Variants in ACVR1 observed in about 807,000 individuals in gnomAD.
ACVR1 encodes the protein activin A receptor type 1.
In ACVR1, 38 loss-of-function variants were observed where a neutral mutation model predicts 57.1. The ratio of observed to expected loss-of-function variants is 0.67; its 90% CI spans 0.51 to 0.87. The LOEUF (loss-of-function observed/expected upper bound fraction) is 0.87. Ranked by LOEUF, ACVR1 falls within the 40% of genes least tolerant of loss-of-function variation. ACVR1 has a pLI of 0.00. For synonymous variants in ACVR1, 212 were observed against 228.1 expected (o/e 0.93, Z 0.63); for missense variants, 463 against 638.2 (o/e 0.73, Z 2.96).
intron 3 of ACVR1, among the ~76,000 whole-genome samples, chr2:157,783,443 C>A (rs1364349706): frequency 6.6e-6 from 1 of 152,172 alleles, no homozygotes; most frequent in Non-Finnish European, 1.5e-5. Flanking sequence ...CTGTGGTGTA[C>A]CTAGGCTTTA....
chr2:157,857,571 AAAT>A (rs1248189465), intron 1 of ACVR1, among the ~76,000 whole-genome samples: 2 of 152,138 alleles, frequency 1.3e-5, no homozygotes, highest in Admixed American at 1.3e-4. Flanking sequence ...CTGTAAAATA[AAAT>A]AATATCATTT....
rs549302640 is a variant in ACVR1 at position 157,749,932 on chromosome 2, G to A, written c.1264+10948C>T. On this transcript the variant is annotated intron_variant, in intron 9 of 10. Coordinates refer to ENST00000434821, the MANE Select transcript of ACVR1 (RefSeq NM_001111067.4). ...CCCGCCCAGTGCTGCCCCTGTCAGG[G>A]CCCATGTGCATCATCTGGGTGCCTA... Among the ~76,000 whole-genome samples, 53 of 152,338 alleles carry A rather than the reference G, an allele frequency of 3.5e-4. 1 individual carries two copies. The South Asian group carries it at 1.0e-2, about 29-fold the overall frequency.
At chr2:157,784,197 G>C (rs1292731288) in intron 3 of ACVR1, among the ~76,000 whole-genome samples, 4 of 152,174 alleles carry the variant, frequency 2.6e-5, no homozygotes, top group African/African-American at 9.7e-5. Flanking sequence ...GTGTGGGAGT[G>C]GGGGTGGGGT....
intron 1 of ACVR1, among the ~76,000 whole-genome samples, chr2:157,835,913 A>G (rs1010259309): frequency 2.0e-5 from 3 of 152,166 alleles, no homozygotes; most frequent in Admixed American, 2.0e-4. Context: ...AATTTAATAT[A>G]CTCTACTGTT....
At chr2:157,793,783 T>G (rs1209871531) in intron 3 of ACVR1, among the ~76,000 whole-genome samples, 1 of 152,156 alleles carries the variant, frequency 6.6e-6, no homozygotes, top group African/African-American at 2.4e-5. Context: ...AAAGAAAGGC[T>G]TATTCTATTC....
chr2:157,790,967 G>T (rs946951418), intron 3 of ACVR1, among the ~76,000 whole-genome samples: 1 of 152,154 alleles, frequency 6.6e-6, no homozygotes, highest in Non-Finnish European at 1.5e-5. Context: ...CATGGTGACC[G>T]CTCATGATCT....
At chr2:157,866,445 G>A (rs779411208) in intron 1 of ACVR1, among the ~76,000 whole-genome samples, 4 of 136,002 alleles carry the variant, frequency 2.9e-5, no homozygotes, top group East Asian at 2.4e-4. Flanking sequence ...CAAGGGAGGC[G>A]GGGGGGAAAG....
At chr2:157,843,830 G>C (rs1054585129) in intron 1 of ACVR1, among the ~76,000 whole-genome samples, 10 of 152,070 alleles carry the variant, frequency 6.6e-5, no homozygotes. Context: ...ATATGAGCCT[G>C]AACATACCAA....
At chr2:157,855,071 A>G (rs570247752) in intron 1 of ACVR1, among the ~76,000 whole-genome samples, 2 of 151,174 alleles carry the variant, frequency 1.3e-5, no homozygotes, top group South Asian at 4.2e-4. Flanking sequence ...CAAACCTTAC[A>G]CTCTCCCAAT....
At chr2:157,750,385 C>T (rs986703694) in intron 9 of ACVR1, among the ~76,000 whole-genome samples, 2 of 152,232 alleles carry the variant, frequency 1.3e-5, no homozygotes, top group Non-Finnish European at 2.9e-5. Flanking sequence ...GGCTTGCCGC[C>T]ACAACCACTT....
At chr2:157,782,221 G>A (rs1019988218) in intron 3 of ACVR1, among the ~76,000 whole-genome samples, 2 of 152,200 alleles carry the variant, frequency 1.3e-5, no homozygotes, top group Non-Finnish European at 1.5e-5. Flanking sequence ...TAATGTGGGT[G>A]CCTCGTCCCA....
At chr2:157,791,342 G>C (rs917812005) in intron 3 of ACVR1, among the ~76,000 whole-genome samples, 4 of 152,182 alleles carry the variant, frequency 2.6e-5, no homozygotes, top group African/African-American at 9.7e-5. Flanking sequence ...ATTTGAAAGA[G>C]TGCATGTGAT....
intron 8 of ACVR1, among the ~76,000 whole-genome samples, chr2:157,764,039 C>G (rs1183736427): frequency 6.6e-6 from 1 of 152,160 alleles, no homozygotes; most frequent in Non-Finnish European, 1.5e-5. Flanking sequence ...TCAATTTGTC[C>G]ACCCTCCCCA....
chr2:157,776,864 G>A (rs573807128), intron 5 of ACVR1, among the ~76,000 whole-genome samples: 3 of 152,374 alleles, frequency 2.0e-5, no homozygotes, highest in African/African-American at 4.8e-5. Context: ...ACTGCAAAAT[G>A]ATTTCAAATA....
intron 3 of ACVR1, among the ~76,000 whole-genome samples, chr2:157,786,908 C>T (rs13405394): frequency 1.3e-5 from 2 of 152,032 alleles, no homozygotes; most frequent in Non-Finnish European, 2.9e-5. Context: ...TTATCCCTAT[C>T]GGTGAAATAA....
intron 7 of ACVR1, among the ~76,000 whole-genome samples, chr2:157,767,587 T>C (rs1246106237): frequency 1.3e-5 from 2 of 152,218 alleles, no homozygotes; most frequent in Admixed American, 6.5e-5. Flanking sequence ...AAATGACTTA[T>C]GAAAATGTAA....
intron 7 of ACVR1, 43 bp downstream of exon 7, chr2:157,770,325 T>C: frequency 6.2e-7 from 1 of 1,610,316 alleles, no homozygotes; most frequent in Non-Finnish European, 8.5e-7. Context: ...GACAATTGTT[T>C]CTCCCTAGAT....
intron 1 of ACVR1, among the ~76,000 whole-genome samples, chr2:157,844,810 C>T (rs1041151350): frequency 1.1e-4 from 17 of 151,960 alleles, no homozygotes; most frequent in African/African-American, 3.4e-4. Context: ...GCCTTTGGTG[C>T]GTGATTAAGT....
chr2:157,780,567 A>C lies in ACVR1; in HGVS notation c.101T>G (p.Met34Arg), dbSNP rs757848830. 2 of 1,613,718 alleles carry C rather than the reference A, an allele frequency of 1.2e-6. No homozygotes were observed. The change falls in exon 4 of 11, where the codon ATG (methionine) becomes AGG (arginine). Residue 34 changes from methionine to arginine, a missense_variant. By Grantham distance (91) the Met-to-Arg change is moderately conservative (BLOSUM62 -1). Transcript: ENST00000434821. ...GCAGGAGAGACCTTCACACACACAC[A>C]TGTAGAGTTTGGGGTTGACCTTGGG... is the stretch of plus-strand genomic sequence containing the variant. ...EKPKVNPKLY[M>R]CVCEGLSCGN...
Sources: allele counts gnomAD v4.1 joint callset (sites outside exome capture counted in the v4.1 genomes callset), GRCh38; gene constraint gnomAD v4.1.1; transcripts MANE v1.5; gene names NCBI Gene and HGNC (gene_info 2026-07-23, HGNC 2026-07-21).